The following ST6GALNAC3 variants were observed in gnomAD, a reference collection of about 807,000 sequenced individuals.
The protein encoded by ST6GALNAC3 is alpha-N-acetylgalactosaminide alpha-2,6-sialyltransferase 3.
ST6GALNAC3 carries 25 observed loss-of-function variants against 32.7 expected under a neutral mutation model. That is an observed-to-expected ratio of 0.76 (90% CI 0.56 to 1.07). The LOEUF (loss-of-function observed/expected upper bound fraction) is 1.07, where lower values mean the gene tolerates loss of function less well. Among genes scored for constraint, ST6GALNAC3 ranks in the 50% least tolerant of loss-of-function variants. ST6GALNAC3 has a pLI of 0.00. For synonymous variants in ST6GALNAC3, 129 were observed against 133.1 expected, an observed-to-expected ratio of 0.97 and a Z score of 0.21; for missense variants, 355 against 382.4, an observed-to-expected ratio of 0.93 and a Z score of 0.60.
At chr1:76,357,823 C>A (rs1050364583) in intron 2 of ST6GALNAC3, among the ~76,000 whole-genome samples, 1 of 152,032 alleles carries the variant, frequency 6.6e-6, no homozygotes, top group African/African-American at 2.4e-5. Flanking sequence ...AATGGCAATT[C>A]AAAAATATTG....
At position 76,239,908 on chromosome 1, in the gene ST6GALNAC3, T is replaced by G. The variant is rs547443221; in HGVS notation, c.19-73897T>G. Among the ~76,000 whole-genome samples, 3 of 152,382 alleles carry G rather than the reference T, an allele frequency of 2.0e-5. No individual in the cohort carries two copies. The East Asian group carries it at 5.8e-4, about 29-fold the overall frequency. On this transcript the variant is annotated intron_variant, in intron 1 of 4. Transcript: ENST00000328299. ...TGTTACCTCCTTAATCTTTTTCTTCTGAATTATCCTCATTCATTTACTCTT... is the reference window on the plus strand; with the variant it reads ...TGTTACCTCCTTAATCTTTTTCTTCGGAATTATCCTCATTCATTTACTCTT...
rs75814973 is a variant in ST6GALNAC3, at chr1:76,577,810, C to G, written c.624-49642C>G. Among the ~76,000 whole-genome samples, 16 of 152,138 alleles carry G rather than the reference C, an allele frequency of 1.1e-4. No individual in the cohort carries two copies. In the East Asian group the frequency reaches 2.7e-3, roughly 26 times the overall value. On this transcript the variant is annotated intron_variant, in intron 3 of 4. Coordinates refer to ENST00000328299, the MANE Select transcript of ST6GALNAC3 (RefSeq NM_152996.4). ...CTTTATCATTCTTTATGTCCTTATT[C>G]TGTTCACTTGGAGAAAGAGACTATT...
chr1:76,525,656 T>G (rs1354376462), intron 3 of ST6GALNAC3, among the ~76,000 whole-genome samples: 3 of 151,408 alleles, frequency 2.0e-5, no homozygotes, highest in Non-Finnish European at 4.4e-5. Context: ...TGTTTAATCT[T>G]CACATTCTGG....
intron 1 of ST6GALNAC3, among the ~76,000 whole-genome samples, chr1:76,183,362 A>G (rs1248257088): frequency 6.6e-6 from 1 of 152,178 alleles, no homozygotes; most frequent in African/African-American, 2.4e-5. Context: ...GTTGATTTGT[A>G]TACTAAATTT....
chr1:76,136,089 CA>C (rs1649932363), intron 1 of ST6GALNAC3, among the ~76,000 whole-genome samples: 2 of 152,208 alleles, frequency 1.3e-5, no homozygotes, highest in South Asian at 4.1e-4. Context: ...AACAGGCTCA[CA>C]GCAGAATTCT....
At chr1:76,618,455 C>T (rs1648432888) in intron 3 of ST6GALNAC3, among the ~76,000 whole-genome samples, 1 of 152,106 alleles carries the variant, frequency 6.6e-6, no homozygotes, top group Admixed American at 6.6e-5. Flanking sequence ...TTAAATGAGA[C>T]AACAAATGCA....
In ST6GALNAC3 at chr1:76,601,204, A is replaced by AGAAG. The variant is rs539179601; in HGVS notation, c.624-26231_624-26228dup. ...TAGAGCAAGATTCTGTCAAAAACAA[A>AGAAG]GAAGGAAGGAAGGAAGGAAGAAAGG... On this transcript the variant is annotated intron_variant, in intron 3 of 4. Transcript: ENST00000328299. Among the ~76,000 whole-genome samples the AGAAG allele has an allele frequency of 6.6e-5, 10 of 151,090 alleles. No homozygotes were observed. The East Asian group carries it at 1.7e-3, about 26-fold the overall frequency.
chr1:76,330,082 C>A (rs367693031), intron 2 of ST6GALNAC3, among the ~76,000 whole-genome samples: 4 of 152,004 alleles, frequency 2.6e-5, no homozygotes, highest in Non-Finnish European at 4.4e-5. Context: ...GGATTACAAG[C>A]GTAAGCCACC....
At position 76,630,256 on chromosome 1, in the gene ST6GALNAC3, A is replaced by G. The variant is rs1649222700; in HGVS notation, c.*1450A>G. ...CAGGATTACACAAAAAGTATCACAAAGGATGGTCTTGGCCATATGCTAGGG... is the reference window on the plus strand; with the variant it reads ...CAGGATTACACAAAAAGTATCACAAGGGATGGTCTTGGCCATATGCTAGGG... On this transcript the variant is annotated 3_prime_UTR_variant, in exon 5 of 5. Coordinates refer to ENST00000328299, the MANE Select transcript of ST6GALNAC3 (RefSeq NM_152996.4). The G allele has an allele frequency of 1.0e-6, 1 of 985,274 alleles. No individual in the cohort carries two copies. The highest frequency in any genetic ancestry group is 1.2e-6 in the Non-Finnish European group (1 of 829,838). The allele number at this position is 985,274 out of a possible 1,614,324, so 61.0% of individuals were successfully genotyped here.
intron 2 of ST6GALNAC3, among the ~76,000 whole-genome samples, chr1:76,341,109 G>A (rs897825669): frequency 5.9e-5 from 9 of 151,492 alleles, no homozygotes; most frequent in South Asian, 2.1e-4. Flanking sequence ...GATACATTGC[G>A]CGATACGGAG....
intron 1 of ST6GALNAC3, among the ~76,000 whole-genome samples, chr1:76,086,688 G>C (rs545293616): frequency 1.3e-5 from 2 of 152,172 alleles, no homozygotes; most frequent in African/African-American, 4.8e-5. Flanking sequence ...TTAAAACCAA[G>C]TAGATGAAAC....
At chr1:76,480,180 G>A (rs2101652760) in intron 3 of ST6GALNAC3, among the ~76,000 whole-genome samples, 1 of 152,216 alleles carries the variant, frequency 6.6e-6, no homozygotes. Context: ...TTATTATAGT[G>A]CAAATTAATA....
chr1:76,210,781 CTG>C (rs1296980229), intron 1 of ST6GALNAC3, among the ~76,000 whole-genome samples: 1 of 152,164 alleles, frequency 6.6e-6, no homozygotes, highest in Non-Finnish European at 1.5e-5. Flanking sequence ...GGGTCTCGCT[CTG>C]TTGCCCAGGC....
At chr1:76,394,338 G>A (rs996508742) in intron 2 of ST6GALNAC3, among the ~76,000 whole-genome samples, 1 of 152,064 alleles carries the variant, frequency 6.6e-6, no homozygotes, top group Non-Finnish European at 1.5e-5. Context: ...AGTGAAATAT[G>A]ATGAAATGTT....
At chr1:76,272,700 T>A (rs1658920411) in intron 1 of ST6GALNAC3, among the ~76,000 whole-genome samples, 1 of 152,206 alleles carries the variant, frequency 6.6e-6, no homozygotes, top group African/African-American at 2.4e-5. Flanking sequence ...GTGTCATCTT[T>A]TAAAACTTGT....
chr1:76,576,625 A>T (rs1646812650), intron 3 of ST6GALNAC3, among the ~76,000 whole-genome samples: 1 of 152,042 alleles, frequency 6.6e-6, no homozygotes. Context: ...GTTACACCTT[A>T]GAGCCTGTCT....
intron 1 of ST6GALNAC3, among the ~76,000 whole-genome samples, chr1:76,108,729 C>T (rs1279882050): frequency 2.0e-5 from 3 of 152,054 alleles, no homozygotes; most frequent in Admixed American, 2.0e-4. Flanking sequence ...TCGATCGAAA[C>T]AAATTATCAT....
chr1:76,477,546 C>T (rs1571353349), intron 3 of ST6GALNAC3, among the ~76,000 whole-genome samples: 1 of 152,154 alleles, frequency 6.6e-6, no homozygotes, highest in African/African-American at 2.4e-5. Flanking sequence ...CTCACCAATC[C>T]AGTCATGAGG....
intron 3 of ST6GALNAC3, among the ~76,000 whole-genome samples, chr1:76,624,278 A>C (rs1227462609): frequency 6.6e-6 from 1 of 151,982 alleles, no homozygotes; most frequent in African/African-American, 2.4e-5. Context: ...AATGTGGTAA[A>C]GTTTCCTTAT....
Sources: gnomAD v4.1 joint callset for allele counts (sites outside exome capture counted in the v4.1 genomes callset) on GRCh38, gnomAD v4.1.1 for gene constraint, MANE v1.5 for transcripts, NCBI Gene and HGNC (gene_info 2026-07-23, HGNC 2026-07-21) for gene names.